ERI1: variants seen among roughly 807,000 people sequenced by gnomAD.
ERI1 encodes 3'-5' exoribonuclease 1.
ERI1 carries 39 observed loss-of-function variants against 39.7 expected under a neutral mutation model. The observed-to-expected ratio is 0.98, with a 90% CI of 0.76 to 1.28. ERI1 has a LOEUF of 1.28. Among genes scored for constraint, ERI1 ranks in the 50% most tolerant of loss-of-function variants. The pLI, the probability that ERI1 is intolerant of heterozygous loss-of-function variation, is 0.00. For missense variants in ERI1, 581 were observed against 416.9 expected (o/e 1.39, Z -3.43); for synonymous variants, 204 against 149.6 (o/e 1.36, Z -2.65).
intron 3 of ERI1, among the ~76,000 whole-genome samples, chr8:9,085,662 G>A (rs1358902493): frequency 2.6e-5 from 4 of 151,618 alleles, no homozygotes; most frequent in Non-Finnish European, 4.4e-5. Flanking sequence ...TTTACTATCT[G>A]GCCCTTAACA....
At chr8:9,051,836 A>C (rs534277097) in intron 3 of ERI1, among the ~76,000 whole-genome samples, 23 of 152,314 alleles carry the variant, frequency 1.5e-4, no homozygotes, top group African/African-American at 5.1e-4. Context: ...GAATGCACTC[A>C]CTTATGAGAA....
intron 6 of ERI1, 61 bp from the exon 7 acceptor site, chr8:9,029,731 T>G (rs183917599): frequency 6.3e-7 from 1 of 1,583,446 alleles, no homozygotes; most frequent in South Asian, 1.1e-5. Flanking sequence ...TCATCTTAAC[T>G]GTGGCTTATA....
chr8:9,077,561 A>G (rs1357977575), intron 3 of ERI1, among the ~76,000 whole-genome samples: 2 of 152,164 alleles, frequency 1.3e-5, no homozygotes, highest in African/African-American at 4.8e-5. Flanking sequence ...GAGATGTGGG[A>G]GACAGAGGGG....
Position 9,003,166 on chromosome 8 carries a change from C to G in ERI1, c.103C>G (p.Pro35Ala), listed in dbSNP as rs1815552060. ...EGGEEPPRPSPEETQQCKFDG... is the reference protein window; with the variant it reads ...EGGEEPPRPSAEETQQCKFDG... ...CGGGGAGGAGCCGCCGCGTCCCAGT[C>G]CCGAGGTGAGGAGTCGACCCGCGCC... Residue 35 changes from proline (P) to alanine (A), a missense_variant, in exon 1 of 7, where the codon CCC becomes GCC. Pro to Ala is a conservative substitution (Grantham distance 27, BLOSUM62 -1). Coordinates refer to ENST00000250263, the MANE Select transcript of ERI1 (RefSeq NM_153332.4). 4 of 1,243,380 alleles carry G rather than the reference C, an allele frequency of 3.2e-6. No individual in the cohort carries two copies. The South Asian group carries it at 1.2e-4, about 36-fold the overall frequency. 77.0% of individuals were successfully genotyped at this position (1,243,380 alleles called of 1,614,324 possible). A position where few individuals can be genotyped will look rare whatever the true frequency, so the allele number is the denominator to read the frequency against.
intron 3 of ERI1, among the ~76,000 whole-genome samples, chr8:9,094,327 G>A (rs1799804758): frequency 6.6e-6 from 1 of 152,208 alleles, no homozygotes; most frequent in African/African-American, 2.4e-5. Context: ...CTCATTCTCA[G>A]TGCAGACTTG....
chr8:9,037,361 A>T (rs570478940), downstream of ERI1, among the ~76,000 whole-genome samples: 39 of 152,230 alleles, frequency 2.6e-4, 1 homozygote, highest in South Asian at 8.1e-3. Context: ...TTTGTTAAAG[A>T]CCTGCTGTGA....
chr8:9,011,279 A>G (rs1029474318), intron 2 of ERI1, among the ~76,000 whole-genome samples: 1 of 152,182 alleles, frequency 6.6e-6, no homozygotes, highest in Non-Finnish European at 1.5e-5. Context: ...AAGTACCAGT[A>G]TATGTTGGAG....
intron 3 of ERI1, among the ~76,000 whole-genome samples, chr8:9,013,630 A>G (rs1585197623): frequency 1.3e-5 from 2 of 152,058 alleles, no homozygotes; most frequent in Non-Finnish European, 1.5e-5. Context: ...TTTCAAATAC[A>G]TATTTCCAAC....
chr8:9,080,858 A>T (rs115761026), intron 3 of ERI1, among the ~76,000 whole-genome samples: 591 of 152,314 alleles, frequency 3.9e-3, no homozygotes, highest in African/African-American at 0.014. Context: ...CACAGCCCAG[A>T]ATTGGCTACT....
chr8:9,013,704 C>G (rs898106161), intron 3 of ERI1, among the ~76,000 whole-genome samples: 6 of 152,154 alleles, frequency 3.9e-5, no homozygotes, highest in Admixed American at 2.0e-4. Context: ...TTTGAACTTA[C>G]CCCAGCCCAT....
intron 2 of ERI1, 110 bp downstream of exon 2, chr8:9,008,258 A>G (rs143822179): frequency 1.0e-6 from 1 of 989,966 alleles, no homozygotes; most frequent in Non-Finnish European, 1.4e-6. Context: ...TAATGACATG[A>G]TCCTATTAAC....
At chr8:9,040,428 G>C (rs753456496) in intron 3 of ERI1, among the ~76,000 whole-genome samples, 28 of 152,194 alleles carry the variant, frequency 1.8e-4, no homozygotes, top group Non-Finnish European at 3.4e-4. Flanking sequence ...ACGCCTTGGG[G>C]CAGCAGTGCC....
chr8:9,007,951 T>C lies in ERI1; in HGVS notation c.109-19T>C. The C allele has an allele frequency of 7.1e-7, 1 of 1,417,524 alleles. No homozygotes were observed. Among genetic ancestry groups the C allele is most frequent in the Non-Finnish European group, 9.2e-7 (1 of 1,088,614 alleles). 87.8% of individuals were successfully genotyped at this position (1,417,524 alleles called of 1,614,324 possible). On this transcript the variant is annotated intron_variant, in intron 1 of 6. Coordinates refer to ENST00000250263, the MANE Select transcript of ERI1 (RefSeq NM_153332.4). ...AACTACATCCTTTTTTTTTTTTTTT[T>C]TTTTTTTTTTTTTGGTAGGAAACTC...
intron 6 of ERI1, among the ~76,000 whole-genome samples, chr8:9,022,651 C>T (rs1002352140): frequency 2.6e-5 from 4 of 152,152 alleles, no homozygotes; most frequent in African/African-American, 4.8e-5. Context: ...CTGCCCGCCT[C>T]GGCCTCCCAA....
In ERI1 at chr8:9,004,108, A is replaced by G. The variant is rs1228024205; in HGVS notation, c.108+937A>G. On this transcript the variant is annotated intron_variant, in intron 1 of 6. Transcript: ENST00000250263. The stretch of plus-strand genomic sequence containing the variant: ...CTGCCTTGTGTTCTTTGACATTGGA[A>G]AGAAGGTCTCGTTAAGGATCTCTGT... 4.7e-6 allele frequency: 6 copies of G among 1,289,260 alleles called. No individual in the cohort carries two copies. In the South Asian group the frequency reaches 7.4e-5, roughly 16 times the overall value. 79.9% of individuals were successfully genotyped at this position (1,289,260 alleles called of 1,614,324 possible). A position where few individuals can be genotyped will look rare whatever the true frequency, so the allele number is the denominator to read the frequency against.
intron 6 of ERI1, among the ~76,000 whole-genome samples, chr8:9,024,088 T>C (rs1818216326): frequency 6.6e-6 from 1 of 152,078 alleles, no homozygotes; most frequent in South Asian, 2.1e-4. Flanking sequence ...GCATGAGCCA[T>C]TGCGCCTGGC....
chr8:9,091,939 T>C (rs1025936879), intron 3 of ERI1, among the ~76,000 whole-genome samples: 1 of 152,214 alleles, frequency 6.6e-6, no homozygotes, highest in Non-Finnish European at 1.5e-5. Context: ...GAACTTACGC[T>C]GAAGTGTGTG....
chr8:9,075,246 A>T (rs1264639112), intron 3 of ERI1, among the ~76,000 whole-genome samples: 1 of 152,236 alleles, frequency 6.6e-6, no homozygotes, highest in Non-Finnish European at 1.5e-5. Flanking sequence ...CAGTTTTGCA[A>T]GCAAGGTGAA....
chr8:9,096,362 A>G lies in ERI1; in HGVS notation n.300-19986A>G, dbSNP rs1585307362. 2.6e-5 allele frequency among the ~76,000 whole-genome samples: 4 copies of G among 152,310 alleles called. No homozygotes were observed. In the South Asian group the frequency reaches 8.3e-4, roughly 32 times the overall value. On this transcript the variant is annotated intron_variant and non_coding_transcript_variant, in intron 3 of 3. Transcript: ENST00000518663. ...TGGGGAAGAGTATGGCCTCAAAACAAGGGGTGTCTGAGGACACCTACCCTT... is the reference window on the plus strand; with the variant it reads ...TGGGGAAGAGTATGGCCTCAAAACAGGGGGTGTCTGAGGACACCTACCCTT...
Sources: gnomAD v4.1 joint callset for allele counts (sites outside exome capture counted in the v4.1 genomes callset) on GRCh38, gnomAD v4.1.1 for gene constraint, MANE v1.5 for transcripts, NCBI Gene and HGNC (gene_info 2026-07-23, HGNC 2026-07-21) for gene names.